The following ZFYVE26 variants were observed in gnomAD, a reference collection of about 807,000 sequenced individuals.
ZFYVE26 encodes the protein zinc finger FYVE domain-containing protein 26.
Under a neutral mutation model 276.5 loss-of-function variants are expected in ZFYVE26, and 181 were observed. That is an observed-to-expected ratio of 0.65 (90% confidence interval 0.58 to 0.74). The LOEUF (loss-of-function observed/expected upper bound fraction) is 0.74, where lower values mean the gene tolerates loss of function less well. Among genes scored for constraint, ZFYVE26 ranks in the 30% least tolerant of loss-of-function variants. The probability of loss-of-function intolerance (pLI) is 0.00; values close to 1 mark genes in which losing one functional copy is unlikely to be tolerated. For synonymous variants in ZFYVE26, 1,129 were observed against 1,203.1 expected (o/e 0.94, Z 1.27); for missense variants, 2,821 against 3,097.9 (o/e 0.91, Z 2.12).
rs746043086 is a variant in ZFYVE26, at chr14:67,754,091, T to G, written c.7108A>C (p.Lys2370Gln). 5.0e-6 allele frequency: 8 copies of G among 1,614,248 alleles called. No homozygotes were observed. In the Admixed American group the frequency reaches 1.0e-4, roughly 20 times the overall value. The change falls in exon 38 of 42, where the codon AAA (lysine) becomes CAA (glutamine). Residue 2370 changes from lysine to glutamine, a missense_variant. Coordinates refer to ENST00000347230, the MANE Select transcript of ZFYVE26 (RefSeq NM_015346.4). ...LPTLFGNNHM[K>Q]MDVACKVMLG... Reference sequence around the variant, plus strand: ...TGTACCTTGCAGGCAACATCCATTTTCATGTGGTTATTTCCAAACAGGGTT... The same window carrying G: ...TGTACCTTGCAGGCAACATCCATTTGCATGTGGTTATTTCCAAACAGGGTT...
At chr14:67,739,970 A>G (rs937413464) in intron 13 of ZFYVE26, among the ~76,000 whole-genome samples, 4 of 152,118 alleles carry the variant, frequency 2.6e-5, no homozygotes, top group African/African-American at 9.7e-5. Flanking sequence ...GTCACATTCC[A>G]CTGCAGGAAT....
At chr14:67,751,368 G>A (rs2038638038) in intron 40 of ZFYVE26, 1 of 532,366 alleles carries the variant, frequency 1.9e-6, no homozygotes, top group African/African-American at 1.9e-5. Flanking sequence ...CAACCTGGTG[G>A]TCCCCTGCTC....
At chr14:67,780,420 A>C in intron 22 of ZFYVE26, 75 bp from the exon 23 acceptor site, 1 of 1,311,276 alleles carries the variant, frequency 7.6e-7, no homozygotes, top group Non-Finnish European at 1.1e-6. Context: ...GGGCATGTCC[A>C]CAGATGGGCC....
intron 34 of ZFYVE26, chr14:67,761,971 T>A (rs1174093875): frequency 8.5e-6 from 5 of 588,328 alleles, no homozygotes; most frequent in East Asian, 5.8e-5. Context: ...ATGTCATTTT[T>A]ATCTTTTTAA....
At chr14:67,755,851 G>A in intron 36 of ZFYVE26, 97 bp downstream of exon 36, 1 of 1,454,274 alleles carries the variant, frequency 6.9e-7, no homozygotes, top group East Asian at 2.3e-5. Flanking sequence ...GCAAGGCCAG[G>A]GACCAATGAC....
chr14:67,751,861 C>CAAA (rs5809363), intron 40 of ZFYVE26, among the ~76,000 whole-genome samples: 1 of 140,734 alleles, frequency 7.1e-6, no homozygotes, highest in Non-Finnish European at 1.6e-5. Flanking sequence ...GACTCTGTCT[C>CAAA]AAAAAAAAAA....
At chr14:67,811,881 CA>C (rs887804886) in intron 3 of ZFYVE26, among the ~76,000 whole-genome samples, 2 of 144,330 alleles carry the variant, frequency 1.4e-5, no homozygotes, top group South Asian at 4.3e-4. Context: ...TGATATATAA[CA>C]AATATAAAAT....
chr14:67,755,662 G>A (rs543884203), intron 36 of ZFYVE26, among the ~76,000 whole-genome samples: 13 of 152,122 alleles, frequency 8.5e-5, no homozygotes, highest in Non-Finnish European at 1.5e-4. Flanking sequence ...CTACATTCAC[G>A]CCTCATGCTT....
chr14:67,745,834 T>C (rs973743063), downstream of ZFYVE26, among the ~76,000 whole-genome samples: 3 of 145,840 alleles, frequency 2.1e-5, no homozygotes, highest in Admixed American at 2.1e-4. Flanking sequence ...AAGACCAGCC[T>C]GGGCAACATA....
intron 33 of ZFYVE26, 35 bp downstream of exon 33, chr14:67,762,637 G>T: frequency 6.2e-7 from 1 of 1,610,876 alleles, no homozygotes; most frequent in Non-Finnish European, 8.5e-7. Context: ...GCTACAGTGG[G>T]GTGGAAGTAA....
chr14:67,768,612 G>T, intron 29 of ZFYVE26, 64 bp from the exon 30 acceptor site: 1 of 1,519,214 alleles, frequency 6.6e-7, no homozygotes, highest in Non-Finnish European at 9.1e-7. Flanking sequence ...TTTGAGCTTC[G>T]TAGACAGCAT....
chr14:67,776,200 G>A, intron 25 of ZFYVE26, 94 bp from the exon 26 acceptor site: 4 of 1,566,590 alleles, frequency 2.6e-6, no homozygotes, highest in Non-Finnish European at 3.5e-6. Context: ...GGGTGCATGA[G>A]AACAAAAGGT....
At chr14:67,770,714 C>T (rs1055569467) in intron 28 of ZFYVE26, among the ~76,000 whole-genome samples, 31 of 152,246 alleles carry the variant, frequency 2.0e-4, no homozygotes, top group African/African-American at 6.5e-4. Context: ...GGAACATATA[C>T]AGTAGGCAGT....
chr14:67,760,955 G>A, intron 35 of ZFYVE26: 1 of 470,734 alleles, frequency 2.1e-6, no homozygotes, highest in Non-Finnish European at 3.9e-6. Flanking sequence ...TAACAACTCT[G>A]AATGGACCAG....
intron 13 of ZFYVE26, among the ~76,000 whole-genome samples, chr14:67,730,731 G>A (rs1026933804): frequency 6.6e-6 from 1 of 152,076 alleles, no homozygotes; most frequent in South Asian, 2.1e-4. Context: ...AGCCTCCTGA[G>A]TAGCTGGGAT....
In ZFYVE26 at chr14:67,807,735, G is replaced by C; in HGVS notation, c.549C>G (p.Gly183=). Residue 183 remains glycine (G), a synonymous_variant, in exon 5 of 42, where the codon GGC becomes GGG. Transcript: ENST00000347230. ...CATTCTGCAGAGGCCAGTGACAGAGGCCAGTACCGTCATCCTCCTCAAGCA... is the reference window on the plus strand; with the variant it reads ...CATTCTGCAGAGGCCAGTGACAGAGCCCAGTACCGTCATCCTCCTCAAGCA... The part of the protein sequence containing the change: ...ELLLEEDDGT[G]LCHWPLQNAL... 1.9e-6 allele frequency: 3 copies of C among 1,614,166 alleles called. No homozygotes were observed. Among genetic ancestry groups the C allele is most frequent in the Non-Finnish European group, 2.5e-6 (3 of 1,180,026 alleles).
At chr14:67,805,983 C>T (rs188693998) in intron 6 of ZFYVE26, among the ~76,000 whole-genome samples, 8 of 152,244 alleles carry the variant, frequency 5.3e-5, no homozygotes, top group Admixed American at 1.3e-4. Flanking sequence ...GCCGAGATCG[C>T]GCCACTCCAC....
At position 67,790,517 on chromosome 14, in the gene ZFYVE26, T is replaced by C. The variant is rs957356349; in HGVS notation, c.2755+55A>G. On this transcript the variant is annotated intron_variant, in intron 15 of 41. Coordinates refer to ENST00000347230, the MANE Select transcript of ZFYVE26 (RefSeq NM_015346.4). ...CTAGGATTTTAGTGGTTTCTCCCCT[T>C]TTACCCCCTCTCCCAGCCACCTCAC... 104 of 1,590,974 alleles carry C rather than the reference T, an allele frequency of 6.5e-5. No individual in the cohort carries two copies. The highest frequency in any genetic ancestry group is 8.7e-5 in the Non-Finnish European group (101 of 1,162,182).
At chr14:67,777,869 T>A (rs1345052666) in intron 24 of ZFYVE26, 134 bp from the exon 25 acceptor site, 5 of 1,213,132 alleles carry the variant, frequency 4.1e-6, no homozygotes, top group South Asian at 3.8e-5. Context: ...TTTTTTTTTT[T>A]AACCACCTCT....
Sources: gnomAD v4.1 joint callset for allele counts (sites outside exome capture counted in the v4.1 genomes callset) on GRCh38, gnomAD v4.1.1 for gene constraint, MANE v1.5 for transcripts, NCBI Gene and HGNC (gene_info 2026-07-23, HGNC 2026-07-21) for gene names.